The following NCOA2 variants were observed in gnomAD, a reference collection of about 807,000 sequenced individuals.
NCOA2 encodes nuclear receptor coactivator 2, also known as class E basic helix-loop-helix protein 75.
In NCOA2, 21 loss-of-function variants were observed where a neutral mutation model predicts 145.1. The ratio of observed to expected loss-of-function variants is 0.14; its 90% CI spans 0.10 to 0.21. The LOEUF (loss-of-function observed/expected upper bound fraction) is 0.21, where lower values mean the gene tolerates loss of function less well. Ranked by LOEUF, NCOA2 falls within the 10% of genes least tolerant of loss-of-function variation. NCOA2 has a pLI of 1.00. For missense variants in NCOA2, 1,472 were observed against 1,837.6 expected (o/e 0.80, Z 3.64); for synonymous variants, 619 against 637.5 (o/e 0.97, Z 0.44).
chr8:70,197,482 C>T (rs1388894522), intron 4 of NCOA2, among the ~76,000 whole-genome samples: 2 of 152,188 alleles, frequency 1.3e-5, no homozygotes, highest in Non-Finnish European at 2.9e-5. Flanking sequence ...AAAGCTTTAA[C>T]GATTTCTTTG....
At chr8:70,254,574 A>G (rs1446411776) in intron 2 of NCOA2, among the ~76,000 whole-genome samples, 2 of 151,982 alleles carry the variant, frequency 1.3e-5, no homozygotes, top group East Asian at 3.8e-4. Flanking sequence ...AACCTTGAAG[A>G]TTATGCTAAG....
the NCOA2 span, among the ~76,000 whole-genome samples, chr8:70,409,524 T>C: frequency 6.6e-6 from 1 of 152,210 alleles, no homozygotes; most frequent in Non-Finnish European, 1.5e-5. Flanking sequence ...CTTCTTACCA[T>C]ACACAAGAAT....
At chr8:70,239,415 A>C (rs1821930071) in intron 2 of NCOA2, among the ~76,000 whole-genome samples, 1 of 152,124 alleles carries the variant, frequency 6.6e-6, no homozygotes, top group Admixed American at 6.6e-5. Context: ...AAGAAACACA[A>C]GACCTACAGT....
intron 1 of NCOA2, among the ~76,000 whole-genome samples, chr8:70,348,358 T>A (rs754971819): frequency 3.3e-4 from 50 of 152,150 alleles, no homozygotes; most frequent in Non-Finnish European, 5.6e-4. Flanking sequence ...AAGATGGGTA[T>A]ATTTGGGCAT....
At chr8:70,390,438 C>A (rs960003821) in intron 1 of NCOA2, among the ~76,000 whole-genome samples, 2 of 152,112 alleles carry the variant, frequency 1.3e-5, no homozygotes, top group African/African-American at 4.8e-5. Flanking sequence ...CTGCCCACTA[C>A]TCTTACACCA....
chr8:70,132,090 T>C (rs1006911276), intron 15 of NCOA2, 88 bp from the exon 16 acceptor site: 2 of 1,368,398 alleles, frequency 1.5e-6, no homozygotes, highest in Non-Finnish European at 2.0e-6. Flanking sequence ...AAAGTATCAA[T>C]TGACTTCCAG....
chr8:70,455,705 A>T, the NCOA2 span, among the ~76,000 whole-genome samples: 1 of 149,838 alleles, frequency 6.7e-6, no homozygotes, highest in South Asian at 2.1e-4. Flanking sequence ...TTTGAAAAGG[A>T]TCTCAGATGT....
intron 1 of NCOA2, among the ~76,000 whole-genome samples, chr8:70,354,568 T>C (rs1256343799): frequency 2.6e-5 from 4 of 152,180 alleles, no homozygotes; most frequent in African/African-American, 4.8e-5. Context: ...ATTTGAAACA[T>C]AGGCCTAACC....
intron 22 of NCOA2, 121 bp downstream of exon 22, chr8:70,121,180 AG>A: frequency 5.1e-6 from 4 of 791,184 alleles, no homozygotes; most frequent in Non-Finnish European, 8.4e-6. Context: ...AGATGAAACC[AG>A]AAGATATTTT....
At chr8:70,423,183 T>TTTGTG in the NCOA2 span, among the ~76,000 whole-genome samples, 1 of 152,098 alleles carries the variant, frequency 6.6e-6, no homozygotes, top group East Asian at 1.9e-4. Context: ...GGTTTTTTGT[T>TTTGTG]TTGTTTTGTT....
intron 1 of NCOA2, among the ~76,000 whole-genome samples, chr8:70,331,240 A>G (rs1807069118): frequency 1.3e-5 from 2 of 152,112 alleles, no homozygotes; most frequent in East Asian, 1.9e-4. Flanking sequence ...CATAGAAACA[A>G]CAGCATAAAG....
chr8:70,273,718 C>T, intron 2 of NCOA2: 1 of 622,950 alleles, frequency 1.6e-6, no homozygotes. Flanking sequence ...TAAGGACTGG[C>T]TGAAGCACTG....
intron 2 of NCOA2, among the ~76,000 whole-genome samples, chr8:70,280,787 A>T (rs879463618): frequency 6.6e-6 from 1 of 152,070 alleles, no homozygotes; most frequent in Admixed American, 6.6e-5. Context: ...TTTTCCTACT[A>T]GTTAGTTATG....
chr8:70,425,666 A>T, the NCOA2 span, among the ~76,000 whole-genome samples: 1 of 152,178 alleles, frequency 6.6e-6, no homozygotes, highest in Non-Finnish European at 1.5e-5. Flanking sequence ...TTTCAACGTC[A>T]ATCCTGATAC....
rs1367281139 is a variant in NCOA2, at chr8:70,126,976, T to C, written c.3753A>G (p.Gln1251=). The change falls in exon 19 of 23, where the codon CAA becomes CAG. Residue 1251 remains glutamine (Q), a synonymous_variant. Coordinates refer to ENST00000452400, the MANE Select transcript of NCOA2 (RefSeq NM_006540.4). The stretch of plus-strand genomic sequence containing the variant: ...GCTGAACTTGCTGTTGCTGATGCAT[T>C]TGTCTCTGTCGAAGATGCTGGTTCA... The part of the protein sequence containing the change: ...EILNQHLRQR[Q]MHQQQQVQQR... 1.2e-6 allele frequency: 2 copies of C among 1,613,856 alleles called. No homozygotes were observed. Among genetic ancestry groups the C allele is most frequent in the Middle Eastern group, 3.3e-4 (2 of 6,062 alleles).
chr8:70,245,846 T>C (rs1285282803), intron 2 of NCOA2, among the ~76,000 whole-genome samples: 1 of 152,146 alleles, frequency 6.6e-6, no homozygotes, highest in Non-Finnish European at 1.5e-5. Context: ...CCCTCAATGA[T>C]ATAAATCTGA....
At chr8:70,435,316 T>A in the NCOA2 span, among the ~76,000 whole-genome samples, 2 of 144,742 alleles carry the variant, frequency 1.4e-5, no homozygotes, top group South Asian at 4.5e-4. Flanking sequence ...TCCCAGCTAC[T>A]CGGGAGGCTG....
chr8:70,328,356 T>C (rs907109116), intron 1 of NCOA2, among the ~76,000 whole-genome samples: 2 of 152,200 alleles, frequency 1.3e-5, no homozygotes, highest in African/African-American at 2.4e-5. Context: ...TACAAGACAA[T>C]TTGTATGTTT....
chr8:70,160,571 T>A (rs1307452243), intron 9 of NCOA2, among the ~76,000 whole-genome samples: 2 of 151,580 alleles, frequency 1.3e-5, no homozygotes, highest in Non-Finnish European at 2.9e-5. Context: ...TACCACATAA[T>A]CCTCAGCACA....
Sources: allele counts gnomAD v4.1 joint callset (sites outside exome capture counted in the v4.1 genomes callset), GRCh38; gene constraint gnomAD v4.1.1; transcripts MANE v1.5; gene names NCBI Gene and HGNC (gene_info 2026-07-23, HGNC 2026-07-21).